The following CAMK1D variants were observed in gnomAD, a reference collection of about 807,000 sequenced individuals.
The protein encoded by CAMK1D is calcium/calmodulin dependent protein kinase ID, also known as calcium/calmodulin-dependent protein kinase type 1D.
CAMK1D carries 9 observed loss-of-function variants against 47.7 expected under a neutral mutation model. The observed-to-expected ratio is 0.19, with a 90% CI of 0.11 to 0.33. The LOEUF (loss-of-function observed/expected upper bound fraction) is 0.33. Among genes scored for constraint, CAMK1D ranks in the 10% least tolerant of loss-of-function variants. The pLI is 1.00. For missense variants in CAMK1D, 291 were observed against 488.7 expected (o/e 0.60, Z 3.81); for synonymous variants, 184 against 184.9 (o/e 0.99, Z 0.04).
chr10:12,650,518 C>G (rs961370300), intron 2 of CAMK1D, among the ~76,000 whole-genome samples: 4 of 152,224 alleles, frequency 2.6e-5, no homozygotes, highest in Non-Finnish European at 4.4e-5. Context: ...GGTCCCTTCT[C>G]TGTGTTTTAT....
chr10:12,764,381 C>A (rs866226923), intron 4 of CAMK1D, among the ~76,000 whole-genome samples: 125 of 77,950 alleles, frequency 1.6e-3, no homozygotes, highest in Admixed American at 2.1e-3. Flanking sequence ...CACTTTGTCT[C>A]AAAAAAAAAA....
chr10:12,827,306 T>TCTTTC (rs1833255615), intron 10 of CAMK1D, among the ~76,000 whole-genome samples: 1 of 32,592 alleles, frequency 3.1e-5, no homozygotes, highest in Admixed American at 2.9e-4. Flanking sequence ...TTTCTCTCTC[T>TCTTTC]TTTTCTTTTC....
At chr10:12,574,974 C>T (rs1837447958) in intron 2 of CAMK1D, among the ~76,000 whole-genome samples, 1 of 152,218 alleles carries the variant, frequency 6.6e-6, no homozygotes, top group Non-Finnish European at 1.5e-5. Flanking sequence ...AGAAACCGCC[C>T]TCCATGATCC....
At chr10:12,424,444 C>A (rs1204982353) in intron 1 of CAMK1D, among the ~76,000 whole-genome samples, 1 of 152,096 alleles carries the variant, frequency 6.6e-6, no homozygotes, top group Non-Finnish European at 1.5e-5. Flanking sequence ...ATTTAAATCT[C>A]TTGACCCTAC....
intron 2 of CAMK1D, among the ~76,000 whole-genome samples, chr10:12,587,632 GGAA>G (rs1332479516): frequency 6.6e-6 from 1 of 152,110 alleles, no homozygotes; most frequent in East Asian, 1.9e-4. Context: ...AAACACAGCT[GGAA>G]GAAGAGGGCA....
chr10:12,663,719 A>C (rs917495176), intron 2 of CAMK1D, among the ~76,000 whole-genome samples: 1 of 152,214 alleles, frequency 6.6e-6, no homozygotes, highest in Non-Finnish European at 1.5e-5. Flanking sequence ...GAAATTGAGC[A>C]TGAAATGAGC....
chr10:12,570,505 C>G (rs886349136), intron 2 of CAMK1D, among the ~76,000 whole-genome samples: 2 of 151,660 alleles, frequency 1.3e-5, no homozygotes, highest in African/African-American at 4.8e-5. Context: ...ATGGTGAAAC[C>G]CCACCGTCCA....
intron 1 of CAMK1D, among the ~76,000 whole-genome samples, chr10:12,412,158 A>T (rs147804381): frequency 2.0e-5 from 3 of 152,124 alleles, no homozygotes; most frequent in African/African-American, 7.2e-5. Flanking sequence ...CTTTTATCAC[A>T]GTCCTCATCT....
intron 4 of CAMK1D, among the ~76,000 whole-genome samples, chr10:12,765,906 C>CT (rs1270706860): frequency 2.7e-5 from 4 of 149,888 alleles, no homozygotes; most frequent in Non-Finnish European, 1.5e-5. Context: ...CTAGTTAGGG[C>CT]TAGGTGTGCC....
chr10:12,632,909 G>C (rs1315168227), intron 2 of CAMK1D, among the ~76,000 whole-genome samples: 2 of 152,114 alleles, frequency 1.3e-5, no homozygotes, highest in Admixed American at 6.5e-5. Context: ...TGGCCAGGCT[G>C]GTCTCAATCT....
At chr10:12,777,979 GGCCCAA>G (rs989879921) in intron 5 of CAMK1D, among the ~76,000 whole-genome samples, 1 of 152,192 alleles carries the variant, frequency 6.6e-6, no homozygotes, top group Non-Finnish European at 1.5e-5. Context: ...CTGTCCCCTG[GGCCCAA>G]GCCAGGGGCA....
rs900514464 is a variant in CAMK1D at position 12,634,815 on chromosome 10, A to G, written c.225-31921A>G. Among the ~76,000 whole-genome samples, 4 of 152,018 alleles carry G rather than the reference A, an allele frequency of 2.6e-5. 1 individual carries two copies. The highest frequency in any genetic ancestry group is 9.7e-5 in the African/African-American group (4 of 41,386). ...GGAGGCAACATCTCGGGGTTCTCCA[A>G]GGGGAGGTCTCACCTTGAATGAGTC... On this transcript the variant is annotated intron_variant, in intron 2 of 10. Transcript: ENST00000619168.
chr10:12,761,835 G>A (rs1378350545), intron 4 of CAMK1D, among the ~76,000 whole-genome samples: 2 of 152,156 alleles, frequency 1.3e-5, no homozygotes, highest in Non-Finnish European at 2.9e-5. Context: ...GCAGTGAGCC[G>A]AGATCGCACC....
At chr10:12,417,132 C>T (rs1258604228) in intron 1 of CAMK1D, among the ~76,000 whole-genome samples, 1 of 152,160 alleles carries the variant, frequency 6.6e-6, no homozygotes, top group African/African-American at 2.4e-5. Context: ...GAGGAACTTA[C>T]CTCAGTGCCT....
chr10:12,790,497 G>A (rs1369468773), intron 5 of CAMK1D, among the ~76,000 whole-genome samples: 15 of 152,248 alleles, frequency 9.9e-5, no homozygotes, highest in African/African-American at 3.6e-4. Context: ...TTCTTTTTAT[G>A]TCAGCCTGAT....
chr10:12,483,510 A>G (rs976370321), intron 1 of CAMK1D, among the ~76,000 whole-genome samples: 6 of 151,752 alleles, frequency 4.0e-5, no homozygotes, highest in African/African-American at 9.7e-5. Flanking sequence ...TTTAATTTCT[A>G]TTTTTTAAAA....
At chr10:12,664,289 A>T (rs1840361393) in intron 2 of CAMK1D, among the ~76,000 whole-genome samples, 1 of 152,150 alleles carries the variant, frequency 6.6e-6, no homozygotes, top group South Asian at 2.1e-4. Flanking sequence ...TGATTGGTTG[A>T]TGGAGAGATA....
At chr10:12,401,213 G>A (rs868254858) in intron 1 of CAMK1D, among the ~76,000 whole-genome samples, 2 of 33,494 alleles carry the variant, frequency 6.0e-5, no homozygotes, top group African/African-American at 1.3e-4. Flanking sequence ...TATAATATAT[G>A]TATTATATAT....
intron 1 of CAMK1D, among the ~76,000 whole-genome samples, chr10:12,500,284 ACAAAAACAAAAC>A (rs1446488458): frequency 6.6e-6 from 1 of 152,062 alleles, no homozygotes; most frequent in African/African-American, 2.4e-5. Flanking sequence ...CAAAACAAAA[ACAAAAACAAAAC>A]CCACAAAAAA....
Sources: allele counts gnomAD v4.1 joint callset (sites outside exome capture counted in the v4.1 genomes callset), GRCh38; gene constraint gnomAD v4.1.1; transcripts MANE v1.5; gene names NCBI Gene and HGNC (gene_info 2026-07-23, HGNC 2026-07-21).